Variants in ADAMTSL1 observed in about 807,000 individuals in gnomAD.
The protein encoded by ADAMTSL1 is ADAMTS-like protein 1.
In ADAMTSL1, 126 loss-of-function variants were observed where a neutral mutation model predicts 201.8. The observed-to-expected ratio is 0.62, with a 90% CI of 0.54 to 0.72. The LOEUF is 0.72. ADAMTSL1 is among the 30% of genes least tolerant of loss of function. ADAMTSL1 has a pLI of 0.00. For missense variants in ADAMTSL1, 2,679 were observed against 2,277.8 expected, an observed-to-expected ratio of 1.18 and a Z score of -3.59; for synonymous variants, 1,121 against 903.4, an observed-to-expected ratio of 1.24 and a Z score of -4.32.
intron 7 of ADAMTSL1, among the ~76,000 whole-genome samples, chr9:18,649,043 G>T (rs374894736): frequency 6.6e-6 from 1 of 152,100 alleles, no homozygotes; most frequent in Non-Finnish European, 1.5e-5. Flanking sequence ...CGCAGATTTG[G>T]TCTTTTCACA....
At chr9:17,995,384 A>G (rs1308600179) in intron 1 of ADAMTSL1, among the ~76,000 whole-genome samples, 1 of 152,142 alleles carries the variant, frequency 6.6e-6, no homozygotes, top group Non-Finnish European at 1.5e-5. Context: ...AAAATGCTGC[A>G]TTATTTTTTG....
intron 10 of ADAMTSL1, among the ~76,000 whole-genome samples, chr9:18,679,892 A>G (rs1318910842): frequency 1.3e-5 from 2 of 152,246 alleles, no homozygotes; most frequent in Non-Finnish European, 1.5e-5. Context: ...AAGTATCTGC[A>G]GGTGCAAACC....
Position 18,252,606 on chromosome 9 carries a change from G to A in ADAMTSL1, c.207+88625G>A, listed in dbSNP as rs964533256. ...GACAGGAAGAAAAAAGTCTATACATGTTCAGTACAAATGCAATTTTTTTTC... is the reference window on the plus strand; with the variant it reads ...GACAGGAAGAAAAAAGTCTATACATATTCAGTACAAATGCAATTTTTTTTC... On this transcript the variant is annotated intron_variant, in intron 2 of 29. Transcript: ENST00000680146. Among the ~76,000 whole-genome samples, 5 of 152,076 alleles carry A rather than the reference G, an allele frequency of 3.3e-5. No individual in the cohort carries two copies. The East Asian group carries it at 5.8e-4, about 18-fold the overall frequency.
At chr9:18,902,579 C>T (rs1830071668) in intron 26 of ADAMTSL1, among the ~76,000 whole-genome samples, 1 of 151,342 alleles carries the variant, frequency 6.6e-6, no homozygotes, top group Admixed American at 6.6e-5. Context: ...CACAACATAC[C>T]AAAATATATG....
chr9:18,229,877 A>G (rs1587358563), intron 2 of ADAMTSL1, among the ~76,000 whole-genome samples: 1 of 152,038 alleles, frequency 6.6e-6, no homozygotes, highest in East Asian at 1.9e-4. Flanking sequence ...TTGTATTTTT[A>G]GTAGAGATGG....
At chr9:18,025,455 T>A (rs1820652501) in intron 1 of ADAMTSL1, among the ~76,000 whole-genome samples, 3 of 152,118 alleles carry the variant, frequency 2.0e-5, no homozygotes. Flanking sequence ...AGGGGTTCAG[T>A]TTTATTCTTC....
At chr9:18,882,797 C>A (rs1828614278) in intron 23 of ADAMTSL1, among the ~76,000 whole-genome samples, 2 of 151,934 alleles carry the variant, frequency 1.3e-5, no homozygotes, top group South Asian at 4.2e-4. Context: ...AGTTCAAGAC[C>A]AGCCTGGGCA....
chr9:18,372,555 C>T (rs1401167956), intron 2 of ADAMTSL1, among the ~76,000 whole-genome samples: 3 of 152,080 alleles, frequency 2.0e-5, no homozygotes, highest in African/African-American at 4.8e-5. Context: ...GTCTTCAGAC[C>T]CCTAGTTCAG....
Position 18,644,392 on chromosome 9 carries a change from T to A in ADAMTSL1, c.834+4981T>A, listed in dbSNP as rs1018828858. Among the ~76,000 whole-genome samples, 7 of 151,872 alleles carry A rather than the reference T, an allele frequency of 4.6e-5. No homozygotes were observed. The South Asian group carries it at 1.5e-3, about 32-fold the overall frequency. Reference sequence around the variant, plus strand: ...TTTATTTTTTTTATTTTTATTTTTTTAATTATTATTATACTTTAAGTTTTA... The same window carrying A: ...TTTATTTTTTTTATTTTTATTTTTTAAATTATTATTATACTTTAAGTTTTA... On this transcript the variant is annotated intron_variant, in intron 7 of 28. Transcript: ENST00000380548.
At chr9:18,177,041 A>G (rs532637514) in intron 2 of ADAMTSL1, among the ~76,000 whole-genome samples, 8 of 152,188 alleles carry the variant, frequency 5.3e-5, no homozygotes, top group African/African-American at 1.4e-4. Context: ...TGCACCCTCA[A>G]TTGCCTTTTA....
At chr9:18,107,812 C>T (rs980256444) in intron 1 of ADAMTSL1, among the ~76,000 whole-genome samples, 2 of 152,156 alleles carry the variant, frequency 1.3e-5, no homozygotes, top group South Asian at 4.1e-4. Context: ...AGGTATATAA[C>T]CTGGTACAGA....
chr9:18,074,290 C>A (rs1303025513), intron 1 of ADAMTSL1, among the ~76,000 whole-genome samples: 1 of 152,142 alleles, frequency 6.6e-6, no homozygotes, highest in East Asian at 1.9e-4. Flanking sequence ...ATGCAGGAAG[C>A]ACCATCCAGA....
At chr9:18,151,229 C>T (rs1055475572) in intron 1 of ADAMTSL1, among the ~76,000 whole-genome samples, 5 of 152,014 alleles carry the variant, frequency 3.3e-5, no homozygotes, top group African/African-American at 9.7e-5. Context: ...AAGATGCTAA[C>T]AGCAAACAAA....
intron 2 of ADAMTSL1, among the ~76,000 whole-genome samples, chr9:18,251,742 A>G (rs1006933224): frequency 2.6e-5 from 4 of 152,234 alleles, no homozygotes; most frequent in African/African-American, 9.6e-5. Flanking sequence ...ACTACAAACC[A>G]AACAGGATAG....
intron 21 of ADAMTSL1, among the ~76,000 whole-genome samples, chr9:18,819,958 T>C (rs1824109278): frequency 6.6e-6 from 1 of 152,230 alleles, no homozygotes; most frequent in Non-Finnish European, 1.5e-5. Flanking sequence ...TTTGCTGCTA[T>C]AAGCAGCTCT....
intron 1 of ADAMTSL1, among the ~76,000 whole-genome samples, chr9:18,156,540 A>G (rs991189249): frequency 6.6e-6 from 1 of 151,900 alleles, no homozygotes; most frequent in African/African-American, 2.4e-5. Context: ...TTTTCACCCT[A>G]ACATTCTCCT....
chr9:18,561,327 T>C (rs985817345), intron 3 of ADAMTSL1, among the ~76,000 whole-genome samples: 3 of 152,216 alleles, frequency 2.0e-5, no homozygotes, highest in African/African-American at 7.2e-5. Flanking sequence ...TCAGTTTCCA[T>C]GTAGTTGTGC....
intron 2 of ADAMTSL1, among the ~76,000 whole-genome samples, chr9:18,451,018 T>G (rs776814395): frequency 1.8e-4 from 27 of 152,176 alleles, no homozygotes; most frequent in Non-Finnish European, 1.8e-4. Flanking sequence ...GGGTCCTGAG[T>G]TTTATACCCA....
intron 24 of ADAMTSL1, among the ~76,000 whole-genome samples, chr9:18,888,995 A>T (rs537608608): frequency 6.6e-6 from 1 of 152,242 alleles, no homozygotes; most frequent in East Asian, 1.9e-4. Flanking sequence ...AAGCACTCAA[A>T]ATTTACCATC....
Sources: allele counts gnomAD v4.1 joint callset (sites outside exome capture counted in the v4.1 genomes callset), GRCh38; gene constraint gnomAD v4.1.1; transcripts MANE v1.5; gene names NCBI Gene and HGNC (gene_info 2026-07-23, HGNC 2026-07-21).